The following METTL21A variants were observed in gnomAD, a reference collection of about 807,000 sequenced individuals.
The protein encoded by METTL21A is methyltransferase 21A, HSPA lysine.
A neutral mutation model predicts 20.9 loss-of-function variants in METTL21A; 22 were observed. The ratio of observed to expected loss-of-function variants is 1.05; its 90% CI spans 0.75 to 1.50. The LOEUF (loss-of-function observed/expected upper bound fraction) is 1.50. METTL21A is among the 40% of genes most tolerant of loss of function. METTL21A has a pLI of 0.00. For missense variants in METTL21A, 271 were observed against 266.8 expected (o/e 1.02, Z -0.11); for synonymous variants, 93 against 102.0 (o/e 0.91, Z 0.53).
intron 3 of METTL21A, among the ~76,000 whole-genome samples, chr2:207,587,565 TAAAG>T (rs1051797040): frequency 2.6e-5 from 4 of 151,990 alleles, no homozygotes; most frequent in South Asian, 2.1e-4. Flanking sequence ...TATGAATGGA[TAAAG>T]AAAATTGCAG....
chr2:207,592,397 T>C (rs1226986085), intron 3 of METTL21A, among the ~76,000 whole-genome samples: 1 of 152,006 alleles, frequency 6.6e-6, no homozygotes, highest in Non-Finnish European at 1.5e-5. Context: ...AGAGCAAGAC[T>C]CCATCTCAAA....
intron 3 of METTL21A, chr2:207,597,526 A>AATT (rs1361206600): frequency 1.4e-5 from 3 of 216,688 alleles, no homozygotes; most frequent in Non-Finnish European, 2.8e-5. Flanking sequence ...CCAAATTGAC[A>AATT]TGTTGTCACA....
chr2:207,600,444 G>C (rs1415954476), intron 3 of METTL21A: 1 of 195,502 alleles, frequency 5.1e-6, no homozygotes, highest in Non-Finnish European at 1.1e-5. Context: ...TTTCTTCCAA[G>C]TATTTTATTT....
At chr2:207,625,433 G>C (rs1217699418), upstream of METTL21A, 4 of 152,172 alleles carry the variant, frequency 2.6e-5, no homozygotes, top group African/African-American at 7.2e-5. Flanking sequence ...TGCCCCCGGA[G>C]CTCACGGCGA....
chr2:207,585,030 C>T (rs1316734813), intron 3 of METTL21A, among the ~76,000 whole-genome samples: 1 of 151,804 alleles, frequency 6.6e-6, no homozygotes, highest in Non-Finnish European at 1.5e-5. Context: ...AGCCTATGGA[C>T]AGGCCCATTG....
intron 3 of METTL21A, chr2:207,615,746 C>T (rs1449723926): frequency 2.0e-5 from 3 of 151,544 alleles, no homozygotes; most frequent in Non-Finnish European, 4.4e-5. Flanking sequence ...CTTTAACTTA[C>T]CACTTAAAGA....
At chr2:207,587,923 T>G (rs1167218850) in intron 3 of METTL21A, among the ~76,000 whole-genome samples, 1 of 152,156 alleles carries the variant, frequency 6.6e-6, no homozygotes, top group East Asian at 1.9e-4. Context: ...TTGTGTATTT[T>G]CACAAAGCTA....
At chr2:207,591,370 ATTCC>A (rs376737230) in intron 3 of METTL21A, among the ~76,000 whole-genome samples, 32 of 152,292 alleles carry the variant, frequency 2.1e-4, no homozygotes, top group African/African-American at 7.5e-4. Context: ...CCCTGACAAT[ATTCC>A]TTCTTCAGAA....
chr2:207,615,154 A>T (rs1470078431), intron 3 of METTL21A, among the ~76,000 whole-genome samples: 1 of 152,182 alleles, frequency 6.6e-6, no homozygotes, highest in African/African-American at 2.4e-5. Context: ...GATTTCAATG[A>T]CAGTTTTCAT....
intron 3 of METTL21A, among the ~76,000 whole-genome samples, chr2:207,585,780 G>A (rs1378734947): frequency 2.6e-5 from 4 of 152,014 alleles, no homozygotes; most frequent in Non-Finnish European, 5.9e-5. Flanking sequence ...AAAAACAGTC[G>A]AGCAGAAAGA....
downstream of METTL21A, among the ~76,000 whole-genome samples, chr2:207,606,290 G>A (rs192356097): frequency 3.3e-5 from 5 of 152,282 alleles, no homozygotes; most frequent in Admixed American, 3.3e-4. Flanking sequence ...AGACCAGCCT[G>A]ACCAACATGG....
At chr2:207,597,114 C>T in intron 3 of METTL21A, 2 of 1,498,144 alleles carry the variant, frequency 1.3e-6, no homozygotes, top group Non-Finnish European at 1.8e-6. Context: ...TTGGCCACAA[C>T]CTGAAAGACA....
At chr2:207,622,472 C>CTTTT (rs1055661416) in intron 2 of METTL21A, among the ~76,000 whole-genome samples, 2 of 152,180 alleles carry the variant, frequency 1.3e-5, no homozygotes, top group Admixed American at 6.5e-5. Flanking sequence ...GAAAGCTTAA[C>CTTTT]TTTTTACTGT....
intron 3 of METTL21A, chr2:207,620,485 A>AAT (rs1261299493): frequency 1.3e-5 from 2 of 155,560 alleles, no homozygotes; most frequent in Non-Finnish European, 2.8e-5. Context: ...AATAAAATAA[A>AAT]ACAACTAACT....
downstream of METTL21A, among the ~76,000 whole-genome samples, chr2:207,605,045 A>G (rs1007041860): frequency 1.3e-5 from 2 of 152,132 alleles, no homozygotes; most frequent in Non-Finnish European, 2.9e-5. Context: ...TTCGTGTACA[A>G]GTATTTGAGT....
intron 2 of METTL21A, 66 bp from the exon 3 acceptor site, chr2:207,621,983 G>T: frequency 7.2e-7 from 1 of 1,382,260 alleles, no homozygotes; most frequent in Non-Finnish European, 1.0e-6. Context: ...CAGGGTTTCA[G>T]GTCAGCTACA....
At chr2:207,622,999 C>T (rs1329554493) in intron 2 of METTL21A, among the ~76,000 whole-genome samples, 1 of 151,992 alleles carries the variant, frequency 6.6e-6, no homozygotes, top group Non-Finnish European at 1.5e-5. Context: ...CCTCTGCCTC[C>T]CAGGTTCAAG....
At chr2:207,591,909 T>G (rs1264779321) in intron 3 of METTL21A, among the ~76,000 whole-genome samples, 1 of 152,178 alleles carries the variant, frequency 6.6e-6, no homozygotes, top group Non-Finnish European at 1.5e-5. Flanking sequence ...AAGTAGAAAT[T>G]TTTAATTTTA....
chr2:207,585,202 G>T (rs2106634568), intron 3 of METTL21A, among the ~76,000 whole-genome samples: 1 of 152,298 alleles, frequency 6.6e-6, no homozygotes, highest in South Asian at 2.1e-4. Flanking sequence ...AAAGGCCTTT[G>T]TGTCCACATA....
Sources: allele counts gnomAD v4.1 joint callset (sites outside exome capture counted in the v4.1 genomes callset), GRCh38; gene constraint gnomAD v4.1.1; transcripts MANE v1.5; gene names NCBI Gene and HGNC (gene_info 2026-07-23, HGNC 2026-07-21).